Variants in TRMT11 observed in about 807,000 individuals in gnomAD.
TRMT11 encodes tRNA (guanine(10)-N(2))-methyltransferase TRMT11.
A neutral mutation model predicts 62.8 loss-of-function variants in TRMT11; 53 were observed. The observed-to-expected ratio is 0.84, with a 90% confidence interval of 0.68 to 1.06. TRMT11 has a LOEUF of 1.06. Ranked by LOEUF, TRMT11 falls within the 50% of genes least tolerant of loss-of-function variation. TRMT11 has a pLI of 0.00. For missense variants in TRMT11, 556 were observed against 553.4 expected (o/e 1.00, Z -0.05); for synonymous variants, 188 against 190.3 (o/e 0.99, Z 0.10).
Position 126,013,982 on chromosome 6 carries a change from C to T in TRMT11, c.1139+881C>T, listed in dbSNP as rs181299445. Among the ~76,000 whole-genome samples the T allele has an allele frequency of 2.8e-3, 426 of 152,210 alleles. 1 individual carries two copies. Among genetic ancestry groups the T allele is most frequent in the African/African-American group, 9.6e-3 (397 of 41,534 alleles). ...TTGGCTATTATGATTATCTTAAGTA[C>T]AATAAATCAAAAGCTAAGACCAAAA... On this transcript the variant is annotated intron_variant, in intron 11 of 12. Coordinates refer to ENST00000334379, the MANE Select transcript of TRMT11 (RefSeq NM_001031712.3).
chr6:126,228,481 G>A, the TRMT11 span, among the ~76,000 whole-genome samples: 3 of 152,318 alleles, frequency 2.0e-5, no homozygotes, highest in South Asian at 2.1e-4. Flanking sequence ...CCTGATAAGC[G>A]CTGCCTCTTT....
At chr6:126,043,836 G>C (rs1427209783), downstream of TRMT11, among the ~76,000 whole-genome samples, 4 of 151,850 alleles carry the variant, frequency 2.6e-5, no homozygotes, top group Non-Finnish European at 5.9e-5. Flanking sequence ...GTGTCTTTTG[G>C]CTGCATAAAT....
At chr6:126,265,921 C>A in the TRMT11 span, among the ~76,000 whole-genome samples, 35,238 of 152,066 alleles carry the variant, frequency 0.23, 5,468 homozygotes, top group East Asian at 0.52. Context: ...AATTTATTGG[C>A]GTTGTCTCTA....
chr6:125,999,613 G>T lies in TRMT11; in HGVS notation c.679G>T (p.Gly227Cys). The part of the protein sequence containing the change: ...DIVFDPFVGT[G>C]GLLIACAHFG... ...TGTCTTTGATCCATTTGTTGGAACA[G>T]GTATTTTTATTTAACTTTTAAGCTA... is the stretch of plus-strand genomic sequence containing the variant. The change falls in exon 7 of 13, where the codon GGT (glycine) becomes TGT (cysteine). Residue 227 changes from glycine to cysteine, a missense_variant and splice_region_variant. By Grantham distance (159) the Gly-to-Cys change is radical (BLOSUM62 -3). Coordinates refer to ENST00000334379, the MANE Select transcript of TRMT11 (RefSeq NM_001031712.3). The T allele has an allele frequency of 6.2e-7, 1 of 1,604,842 alleles. No individual in the cohort carries two copies. Among genetic ancestry groups the T allele is most frequent in the Non-Finnish European group, 8.5e-7 (1 of 1,175,564 alleles).
chr6:126,170,128 C>T (rs548434736), intron 21 of TRMT11, among the ~76,000 whole-genome samples: 79 of 152,142 alleles, frequency 5.2e-4, no homozygotes, highest in African/African-American at 1.8e-3. Flanking sequence ...TTCCTTTTGT[C>T]AGCCTGGTGT....
intron 1 of TRMT11, among the ~76,000 whole-genome samples, chr6:126,191,243 T>A (rs1395988276): frequency 6.6e-6 from 1 of 152,178 alleles, no homozygotes; most frequent in Non-Finnish European, 1.5e-5. Context: ...TGTCTTCTTT[T>A]GAGAAATGTC....
At chr6:126,045,887 C>T (rs1776043029) in intron 16 of TRMT11, among the ~76,000 whole-genome samples, 1 of 152,070 alleles carries the variant, frequency 6.6e-6, no homozygotes, top group African/African-American at 2.4e-5. Flanking sequence ...AATATCCATT[C>T]AGAGAAAATA....
chr6:126,229,341 C>G, the TRMT11 span, among the ~76,000 whole-genome samples: 2 of 152,148 alleles, frequency 1.3e-5, no homozygotes, highest in East Asian at 3.8e-4. Flanking sequence ...ATGCTGTCTC[C>G]ATTGCAGGAT....
chr6:126,048,763 C>T (rs998125658), intron 16 of TRMT11, among the ~76,000 whole-genome samples: 3 of 152,144 alleles, frequency 2.0e-5, no homozygotes, highest in Non-Finnish European at 2.9e-5. Context: ...TTGGTAAGGA[C>T]GAACACACTG....
chr6:126,111,552 ATTTG>A (rs1777532072), intron 17 of TRMT11, among the ~76,000 whole-genome samples: 1 of 152,108 alleles, frequency 6.6e-6, no homozygotes, highest in African/African-American at 2.4e-5. Context: ...ATCACCTCTT[ATTTG>A]TTTCCAACTA....
At chr6:126,013,324 G>A (rs1232021273) in intron 11 of TRMT11, among the ~76,000 whole-genome samples, 2 of 151,840 alleles carry the variant, frequency 1.3e-5, no homozygotes, top group African/African-American at 2.4e-5. Context: ...TAGTGCAATC[G>A]TGACTCACTG....
intron 17 of TRMT11, among the ~76,000 whole-genome samples, chr6:126,073,418 A>AAT (rs1776916034): frequency 6.6e-6 from 1 of 152,204 alleles, no homozygotes; most frequent in African/African-American, 2.4e-5. Context: ...ACATATTGAT[A>AAT]ATTCCATTTT....
chr6:126,240,804 G>A, the TRMT11 span, among the ~76,000 whole-genome samples: 1 of 152,228 alleles, frequency 6.6e-6, no homozygotes. Flanking sequence ...CCTGCCCCCA[G>A]AGGCGGAGTC....
chr6:126,155,316 T>G (rs1009509981), intron 21 of TRMT11, among the ~76,000 whole-genome samples: 1 of 152,194 alleles, frequency 6.6e-6, no homozygotes, highest in Non-Finnish European at 1.5e-5. Flanking sequence ...AAGCCATTCA[T>G]GAAGGATCAG....
rs1041897195 is a variant in TRMT11 at position 126,026,604 on chromosome 6, C to T, written c.1260+5324C>T. 2.0e-5 allele frequency among the ~76,000 whole-genome samples: 3 copies of T among 151,918 alleles called. No homozygotes were observed. The East Asian group carries it at 5.9e-4, about 30-fold the overall frequency. ...GTTTCACCATGTTGGCCAGGATGGT[C>T]TCGATCTCCTAACCTCGTGATCCGC... On this transcript the variant is annotated intron_variant, in intron 12 of 12. Coordinates refer to ENST00000334379, the MANE Select transcript of TRMT11 (RefSeq NM_001031712.3).
At chr6:126,251,086 A>G in the TRMT11 span, among the ~76,000 whole-genome samples, 1 of 149,068 alleles carries the variant, frequency 6.7e-6, no homozygotes, top group East Asian at 2.0e-4. Flanking sequence ...GCTGGAGTGC[A>G]GTGGCACAAT....
At chr6:126,062,517 T>G (rs1339770750) in intron 17 of TRMT11, among the ~76,000 whole-genome samples, 1 of 152,216 alleles carries the variant, frequency 6.6e-6, no homozygotes, top group Non-Finnish European at 1.5e-5. Context: ...TTGGTGTGGT[T>G]TTATTTTAGC....
chr6:126,098,268 A>G (rs1156663438), intron 17 of TRMT11, among the ~76,000 whole-genome samples: 2 of 152,116 alleles, frequency 1.3e-5, no homozygotes, highest in African/African-American at 4.8e-5. Context: ...CAGCTCTCCC[A>G]CAGGTCTTGA....
downstream of TRMT11, among the ~76,000 whole-genome samples, chr6:126,204,312 G>A (rs1778769674): frequency 6.6e-6 from 1 of 152,180 alleles, no homozygotes; most frequent in Admixed American, 6.5e-5. Flanking sequence ...GTATATAGGT[G>A]TGAGAGAAGT....
Sources: gnomAD v4.1 joint callset for allele counts (sites outside exome capture counted in the v4.1 genomes callset) on GRCh38, gnomAD v4.1.1 for gene constraint, MANE v1.5 for transcripts, NCBI Gene and HGNC (gene_info 2026-07-23, HGNC 2026-07-21) for gene names.